RUBCNL: variants seen among roughly 807,000 people sequenced by gnomAD.
The protein encoded by RUBCNL is protein associated with UVRAG as autophagy enhancer.
RUBCNL carries 62 observed loss-of-function variants against 69.5 expected under a neutral mutation model. The observed-to-expected ratio is 0.89, with a 90% CI of 0.73 to 1.10. RUBCNL has a LOEUF of 1.10. Ranked by LOEUF, RUBCNL falls within the 50% of genes least tolerant of loss-of-function variation. RUBCNL has a pLI of 0.00. For synonymous variants in RUBCNL, 291 were observed against 303.6 expected (o/e 0.96, Z 0.43); for missense variants, 768 against 798.1 (o/e 0.96, Z 0.45).
intron 1 of RUBCNL, among the ~76,000 whole-genome samples, chr13:46,381,538 T>C (rs1039890957): frequency 1.6e-4 from 24 of 152,228 alleles, no homozygotes; most frequent in Admixed American, 7.9e-4. Context: ...TGGCATATAT[T>C]TGTGAATACA....
At chr13:46,367,998 G>A in intron 5 of RUBCNL, 44 bp downstream of exon 5, 1 of 1,566,902 alleles carries the variant, frequency 6.4e-7, no homozygotes, top group South Asian at 1.1e-5. Flanking sequence ...GGAGATATAT[G>A]TGAAACACAT....
At chr13:46,368,543 T>C (rs2048810152) in intron 4 of RUBCNL, 190 bp downstream of exon 4, 3 of 972,860 alleles carry the variant, frequency 3.1e-6, no homozygotes, top group Non-Finnish European at 3.7e-6. Flanking sequence ...CAGAAAACTT[T>C]CCAGCTGAGC....
At chr13:46,379,783 T>C (rs1296412371) in intron 1 of RUBCNL, among the ~76,000 whole-genome samples, 1 of 152,246 alleles carries the variant, frequency 6.6e-6, no homozygotes, top group African/African-American at 2.4e-5. Flanking sequence ...CTGTAGCATG[T>C]GAGCTGTTTG....
chr13:46,362,941 T>TATATAG (rs2048655424), intron 6 of RUBCNL, among the ~76,000 whole-genome samples, 174 bp downstream of exon 6: 3 of 52,404 alleles, frequency 5.7e-5, no homozygotes, highest in Admixed American at 1.8e-4. Context: ...TATATATAGA[T>TATATAG]ATATATATAT....
intron 4 of RUBCNL, 55 bp from the exon 5 acceptor site, chr13:46,368,304 G>T: frequency 1.3e-6 from 2 of 1,529,394 alleles, no homozygotes; most frequent in Non-Finnish European, 1.8e-6. Context: ...TTCATGGAGG[G>T]TATATTAGAT....
At position 46,335,251 on chromosome 13, in the gene RUBCNL, G is replaced by GTTTTTTT; in HGVS notation, c.*8133_*8134insAAAAAAA. 1.9e-5 allele frequency among the ~76,000 whole-genome samples: 2 copies of GTTTTTTT among 103,366 alleles called. No homozygotes were observed. The highest frequency in any genetic ancestry group is 8.0e-5 in the African/African-American group (2 of 24,958). The allele number at this position is 103,366 out of a possible 152,430, so 67.8% of individuals were successfully genotyped here. A position where few individuals can be genotyped will look rare whatever the true frequency, so the allele number is the denominator to read the frequency against. The stretch of plus-strand genomic sequence containing the variant: ...AGCTAATTTGTGTCTTTTTGTTGTT[G>GTTTTTTT]TTGTTGTTGTTTTTTTTTTTTTTTT... On this transcript the variant is annotated 3_prime_UTR_variant, in exon 15 of 15. Coordinates refer to ENST00000429979, the MANE Select transcript of RUBCNL (RefSeq NM_025113.5).
chr13:46,362,939 G>GATATATAGATATATATATATATAT (rs2048653735), intron 6 of RUBCNL, among the ~76,000 whole-genome samples, 176 bp downstream of exon 6: 1 of 41,504 alleles, frequency 2.4e-5, no homozygotes, highest in Non-Finnish European at 3.8e-5. Flanking sequence ...TATATATATA[G>GATATATAGATATATATATATATAT]ATATATATAT....
rs375057413 is a variant in RUBCNL, at chr13:46,385,057, G to GA, written c.-239+2076dup. Among the ~76,000 whole-genome samples, 5 of 152,282 alleles carry GA rather than the reference G, an allele frequency of 3.3e-5. No individual in the cohort carries two copies. In the East Asian group the frequency reaches 7.7e-4, roughly 23 times the overall value. On this transcript the variant is annotated intron_variant, in intron 1 of 14. Coordinates refer to ENST00000429979, the MANE Select transcript of RUBCNL (RefSeq NM_025113.5). Reference sequence around the variant, plus strand: ...AAATATAATTTTAACGCCAATCTGAGAAAAATGACTTATTAGCTGTGTGAT... The same window carrying GA: ...AAATATAATTTTAACGCCAATCTGAGAAAAAATGACTTATTAGCTGTGTGAT...
At chr13:46,371,813 T>C in intron 3 of RUBCNL, 128 bp downstream of exon 3, 1 of 932,862 alleles carries the variant, frequency 1.1e-6, no homozygotes. Context: ...CCCAGATGGC[T>C]GGGCTGCTGA....
chr13:46,363,176 T>G lies in RUBCNL; in HGVS notation c.864A>C (p.Thr288=), dbSNP rs903227125. 1 of 1,599,810 alleles carries G rather than the reference T, an allele frequency of 6.3e-7. No homozygotes were observed. Among genetic ancestry groups the G allele is most frequent in the Non-Finnish European group, 8.5e-7 (1 of 1,173,184 alleles). The part of the protein sequence containing the change: ...AVLQVSPVTE[T]RTYHDVKEIC... Reference sequence around the variant, plus strand: ...TCTCTTTCACATCATGGTAAGTACGTGTTTCAGTCACTGGGCTGACCTGTA... The same window carrying G: ...TCTCTTTCACATCATGGTAAGTACGGGTTTCAGTCACTGGGCTGACCTGTA... The change falls in exon 6 of 15, where the codon ACA becomes ACC. Residue 288 remains threonine, a synonymous_variant. Coordinates refer to ENST00000429979, the MANE Select transcript of RUBCNL (RefSeq NM_025113.5).
intron 10 of RUBCNL, among the ~76,000 whole-genome samples, chr13:46,353,714 A>G (rs1178873286): frequency 6.6e-6 from 1 of 152,216 alleles, no homozygotes. Context: ...CATTTTATGA[A>G]AAGTCAGCAT....
chr13:46,376,687 C>T (rs774675442), intron 2 of RUBCNL, among the ~76,000 whole-genome samples: 44 of 152,190 alleles, frequency 2.9e-4, no homozygotes, highest in Admixed American at 7.9e-4. Context: ...CACCCCAAGC[C>T]CCACAATCCT....
intron 9 of RUBCNL, 64 bp downstream of exon 9, chr13:46,359,422 C>G: frequency 1.4e-6 from 2 of 1,405,086 alleles, no homozygotes; most frequent in South Asian, 2.9e-5. Flanking sequence ...GCCATAGAGT[C>G]AGGTGGGATC....
At chr13:46,368,324 C>T in intron 4 of RUBCNL, 75 bp from the exon 5 acceptor site, 5 of 1,471,748 alleles carry the variant, frequency 3.4e-6, no homozygotes, top group Non-Finnish European at 4.6e-6. Flanking sequence ...TTTGAAAAAT[C>T]AATATGCTCT....
intron 12 of RUBCNL, among the ~76,000 whole-genome samples, chr13:46,348,492 T>C (rs1161273520): frequency 6.6e-6 from 1 of 152,162 alleles, no homozygotes; most frequent in Non-Finnish European, 1.5e-5. Context: ...TCTTGAACTG[T>C]AGCTCCCATA....
rs2048123845 is a variant in RUBCNL at position 46,339,204 on chromosome 13, G to A, written c.*4181C>T. Among the ~76,000 whole-genome samples the A allele has an allele frequency of 2.0e-5, 3 of 152,178 alleles. No individual in the cohort carries two copies. Among genetic ancestry groups the A allele is most frequent in the African/African-American group, 7.2e-5 (3 of 41,428 alleles). On this transcript the variant is annotated 3_prime_UTR_variant, in exon 15 of 15. Coordinates refer to ENST00000429979, the MANE Select transcript of RUBCNL (RefSeq NM_025113.5). ...ATGTTTGTGCTGAAGCTTCCCAATT[G>A]TGTCTGCAGCCTGCTACCTCAGCAT...
chr13:46,351,529 A>G (rs1162310915), intron 10 of RUBCNL, among the ~76,000 whole-genome samples: 2 of 152,198 alleles, frequency 1.3e-5, no homozygotes, highest in Non-Finnish European at 2.9e-5. Flanking sequence ...GTGATATAAA[A>G]AGGTGTTCAT....
Position 46,349,174 on chromosome 13 carries a change from G to C in RUBCNL, c.1631+112C>G, listed in dbSNP as rs878917399. 5 of 850,726 alleles carry C rather than the reference G, an allele frequency of 5.9e-6. No homozygotes were observed. The South Asian group carries it at 7.4e-5, about 13-fold the overall frequency. The allele number at this position is 850,726 out of a possible 1,614,324, so 52.7% of individuals were successfully genotyped here. A position where few individuals can be genotyped will look rare whatever the true frequency, so the allele number is the denominator to read the frequency against. Reference sequence around the variant, plus strand: ...ATGATTTCCCAAGGAAAGCCATGAGGTCATCACTGTGCTAAGAAGCCCTGT... The same window carrying C: ...ATGATTTCCCAAGGAAAGCCATGAGCTCATCACTGTGCTAAGAAGCCCTGT... On this transcript the variant is annotated intron_variant, in intron 12 of 14. Transcript: ENST00000429979.
intron 5 of RUBCNL, among the ~76,000 whole-genome samples, chr13:46,366,588 T>C (rs1169372808): frequency 6.6e-6 from 1 of 152,198 alleles, no homozygotes; most frequent in African/African-American, 2.4e-5. Context: ...TCAACAGGTA[T>C]TTGATCATAT....
Sources: gnomAD v4.1 joint callset for allele counts (sites outside exome capture counted in the v4.1 genomes callset) on GRCh38, gnomAD v4.1.1 for gene constraint, MANE v1.5 for transcripts, NCBI Gene and HGNC (gene_info 2026-07-23, HGNC 2026-07-21) for gene names.